The following THSD7B variants were observed in gnomAD, a reference collection of about 807,000 sequenced individuals.
THSD7B encodes thrombospondin type-1 domain-containing protein 7B.
Under a neutral mutation model 213.6 loss-of-function variants are expected in THSD7B, and 138 were observed. The observed-to-expected ratio is 0.65, with a 90% CI of 0.56 to 0.74. THSD7B has a LOEUF of 0.74. THSD7B is among the 30% of genes least tolerant of loss of function. The pLI is 0.00. For synonymous variants in THSD7B, 742 were observed against 687.0 expected, an observed-to-expected ratio of 1.08 and a Z score of -1.25; for missense variants, 1,931 against 1,991.5, an observed-to-expected ratio of 0.97 and a Z score of 0.58.
intron 12 of THSD7B, among the ~76,000 whole-genome samples, chr2:137,356,218 T>C (rs1358201723): frequency 6.6e-6 from 1 of 152,178 alleles, no homozygotes; most frequent in African/African-American, 2.4e-5. Flanking sequence ...TTATTTCTTA[T>C]ATGTATCCAC....
At chr2:137,440,335 T>C (rs1381763003) in intron 14 of THSD7B, among the ~76,000 whole-genome samples, 1 of 152,080 alleles carries the variant, frequency 6.6e-6, no homozygotes, top group Non-Finnish European at 1.5e-5. Flanking sequence ...TTTTGAAGAT[T>C]TCAGACTAGA....
chr2:136,979,993 A>AC (rs751975397), intron 2 of THSD7B, among the ~76,000 whole-genome samples: 18 of 151,642 alleles, frequency 1.2e-4, no homozygotes, highest in South Asian at 2.1e-4. Context: ...CTGTCATCTA[A>AC]AATTTTTTTT....
chr2:136,970,216 C>A (rs989354719), intron 2 of THSD7B, among the ~76,000 whole-genome samples: 2 of 152,018 alleles, frequency 1.3e-5, no homozygotes, highest in Admixed American at 1.3e-4. Flanking sequence ...GTAATCACAG[C>A]ACTTTGAGAG....
intron 3 of THSD7B, among the ~76,000 whole-genome samples, chr2:137,087,929 G>GGTGACTGGTATAAAATAC (rs1369250858): frequency 2.2e-4 from 33 of 152,072 alleles, no homozygotes; most frequent in Admixed American, 2.2e-3. Flanking sequence ...CACCAAAACA[G>GGTGACTGGTATAAAATAC]CATGGTACTG....
chr2:137,500,673 A>C (rs1239326650), intron 15 of THSD7B, among the ~76,000 whole-genome samples: 1 of 152,234 alleles, frequency 6.6e-6, no homozygotes. Context: ...TGTGAGAATC[A>C]AATGAAATGA....
At chr2:137,277,736 G>A (rs1682905369) in intron 12 of THSD7B, among the ~76,000 whole-genome samples, 1 of 152,110 alleles carries the variant, frequency 6.6e-6, no homozygotes, top group Admixed American at 6.6e-5. Context: ...CAAGGGTGAA[G>A]CTGTGGGAGC....
At chr2:136,921,177 C>T (rs1266569947) in intron 2 of THSD7B, among the ~76,000 whole-genome samples, 2 of 147,952 alleles carry the variant, frequency 1.4e-5, no homozygotes, top group African/African-American at 2.5e-5. Flanking sequence ...GTCCTTACAG[C>T]AGCCGCTCCA....
Position 136,896,769 on chromosome 2 carries a change from T to C in THSD7B, c.139+14452T>C, listed in dbSNP as rs60350555. Among the ~76,000 whole-genome samples the C allele has an allele frequency of 9.5e-3, 1,450 of 152,222 alleles. 32 individuals carry two copies. The highest frequency in any genetic ancestry group is 0.034 in the African/African-American group (1,398 of 41,554). On this transcript the variant is annotated intron_variant, in intron 2 of 27. Coordinates refer to ENST00000409968, the MANE Select transcript of THSD7B (RefSeq NM_001316349.2). ...AATTTTTTACATGTGGCTATTCAAT[T>C]GTGCTAGCATAATTTGTTGTAAAAA...
At chr2:137,204,563 AT>A (rs1680943053) in intron 7 of THSD7B, among the ~76,000 whole-genome samples, 1 of 152,146 alleles carries the variant, frequency 6.6e-6, no homozygotes, top group South Asian at 2.1e-4. Flanking sequence ...TTAGGACACC[AT>A]TTCAGAAATA....
At chr2:137,262,961 T>C (rs1003843518) in intron 10 of THSD7B, among the ~76,000 whole-genome samples, 2 of 152,156 alleles carry the variant, frequency 1.3e-5, no homozygotes, top group Admixed American at 6.6e-5. Context: ...TTGTGATATG[T>C]AGAGACTGAG....
intron 5 of THSD7B, among the ~76,000 whole-genome samples, chr2:137,141,482 GCA>G (rs1558936066): frequency 1.0e-4 from 8 of 79,122 alleles, no homozygotes; most frequent in Non-Finnish European, 1.5e-4. Context: ...ACACATGTGT[GCA>G]CACACACACT....
At chr2:137,001,358 C>T (rs1221184962) in intron 2 of THSD7B, among the ~76,000 whole-genome samples, 1 of 152,098 alleles carries the variant, frequency 6.6e-6, no homozygotes, top group Non-Finnish European at 1.5e-5. Flanking sequence ...TCTGTCCTCT[C>T]ATAGGAAGCA....
At chr2:137,364,991 T>C (rs962970250) in intron 12 of THSD7B, among the ~76,000 whole-genome samples, 1 of 152,042 alleles carries the variant, frequency 6.6e-6, no homozygotes, top group Non-Finnish European at 1.5e-5. Flanking sequence ...CTTCAAACTA[T>C]ACTACAATGC....
At chr2:137,207,963 G>A (rs1681020700) in intron 7 of THSD7B, among the ~76,000 whole-genome samples, 1 of 152,020 alleles carries the variant, frequency 6.6e-6, no homozygotes, top group African/African-American at 2.4e-5. Context: ...GCTGCCAAGT[G>A]GAAGTGTTCC....
intron 12 of THSD7B, among the ~76,000 whole-genome samples, chr2:137,325,474 C>T (rs537257745): frequency 1.4e-4 from 22 of 152,158 alleles, no homozygotes; most frequent in Middle Eastern, 3.4e-3. Context: ...GTTGCCTGAC[C>T]GTGGTGGAAT....
intron 1 of THSD7B, among the ~76,000 whole-genome samples, chr2:136,834,435 C>T (rs1682813333): frequency 6.6e-6 from 1 of 152,162 alleles, no homozygotes; most frequent in South Asian, 2.1e-4. Context: ...TAAAAATATG[C>T]CATATATCTA....
intron 2 of THSD7B, among the ~76,000 whole-genome samples, chr2:137,050,531 T>G (rs187574395): frequency 1.4e-4 from 21 of 152,344 alleles, no homozygotes; most frequent in African/African-American, 4.8e-4. Context: ...GCTGGGAACA[T>G]TAGCAACAAA....
At chr2:137,126,292 C>T (rs1024829805) in intron 5 of THSD7B, among the ~76,000 whole-genome samples, 2 of 152,172 alleles carry the variant, frequency 1.3e-5, no homozygotes, top group African/African-American at 4.8e-5. Context: ...ATTGGTTTTC[C>T]AGTGTAGCCA....
At chr2:136,916,995 A>G (rs1684361064) in intron 2 of THSD7B, among the ~76,000 whole-genome samples, 1 of 152,242 alleles carries the variant, frequency 6.6e-6, no homozygotes, top group African/African-American at 2.4e-5. Flanking sequence ...GAGGCTATAA[A>G]AAGAAAGGTT....
Sources: allele counts gnomAD v4.1 joint callset (sites outside exome capture counted in the v4.1 genomes callset), GRCh38; gene constraint gnomAD v4.1.1; transcripts MANE v1.5; gene names NCBI Gene and HGNC (gene_info 2026-07-23, HGNC 2026-07-21).